Variants in SLC16A12 observed in about 807,000 individuals in gnomAD.
The protein encoded by SLC16A12 is monocarboxylate transporter 12.
In SLC16A12, 17 loss-of-function variants were observed where a neutral mutation model predicts 42.4. The ratio of observed to expected loss-of-function variants is 0.40; its 90% CI spans 0.27 to 0.60. SLC16A12 has a LOEUF of 0.60. Ranked by LOEUF, SLC16A12 falls within the 20% of genes least tolerant of loss-of-function variation. The pLI, the probability that SLC16A12 is intolerant of heterozygous loss-of-function variation, is 0.42. For missense variants in SLC16A12, 544 were observed against 623.0 expected, an observed-to-expected ratio of 0.87 and a Z score of 1.35; for synonymous variants, 224 against 229.4, an observed-to-expected ratio of 0.98 and a Z score of 0.21.
chr10:89,545,332 C>G (rs1179466653), intron 2 of SLC16A12, among the ~76,000 whole-genome samples: 2 of 152,164 alleles, frequency 1.3e-5, no homozygotes, highest in East Asian at 1.9e-4. Flanking sequence ...TAAATTCACA[C>G]AACAAACTCC....
At chr10:89,500,577 C>T (rs1842979651) in intron 2 of SLC16A12, among the ~76,000 whole-genome samples, 1 of 152,018 alleles carries the variant, frequency 6.6e-6, no homozygotes, top group South Asian at 2.1e-4. Context: ...GAAAAAAAAG[C>T]ATTCGACAAA....
chr10:89,482,250 AAAG>A (rs1241967017), intron 2 of SLC16A12, among the ~76,000 whole-genome samples: 2 of 151,042 alleles, frequency 1.3e-5, no homozygotes, highest in Admixed American at 6.6e-5. Flanking sequence ...AAAAAAAAAA[AAAG>A]AAGAAGAAAA....
intron 2 of SLC16A12, among the ~76,000 whole-genome samples, chr10:89,487,941 GATAAAGAAAATGTGGTGTGTGTGTATATA>G (rs1385599657): frequency 7.3e-6 from 1 of 136,170 alleles, no homozygotes; most frequent in Non-Finnish European, 1.5e-5. Flanking sequence ...CAGATGATTG[GATAAAGAAAATGTGGTGTGTGTGTATATA>G]TATATATATA....
intron 2 of SLC16A12, among the ~76,000 whole-genome samples, chr10:89,511,950 C>T (rs1843168108): frequency 6.6e-6 from 1 of 152,110 alleles, no homozygotes; most frequent in African/African-American, 2.4e-5. Flanking sequence ...CAAAATGTGG[C>T]ACATAATGGA....
At chr10:89,442,175 G>A (rs1047911794) in intron 4 of SLC16A12, among the ~76,000 whole-genome samples, 2 of 152,098 alleles carry the variant, frequency 1.3e-5, no homozygotes, top group African/African-American at 2.4e-5. Context: ...TGAAATTGGG[G>A]GTCAACTGTT....
intron 7 of SLC16A12, among the ~76,000 whole-genome samples, chr10:89,435,338 A>T (rs1433041788): frequency 6.6e-6 from 1 of 152,194 alleles, no homozygotes; most frequent in Non-Finnish European, 1.5e-5. Flanking sequence ...TTATTTTCTA[A>T]GTCATCCTTG....
chr10:89,536,159 G>A (rs1047405856), upstream of SLC16A12, among the ~76,000 whole-genome samples: 13 of 152,212 alleles, frequency 8.5e-5, no homozygotes, highest in Admixed American at 8.5e-4. Flanking sequence ...GGCAAGCCGA[G>A]GGGAGCTCGG....
intron 2 of SLC16A12, among the ~76,000 whole-genome samples, chr10:89,486,354 A>G (rs774255693): frequency 3.9e-5 from 6 of 152,144 alleles, no homozygotes; most frequent in Non-Finnish European, 7.4e-5. Flanking sequence ...ATTCATAAAA[A>G]TATCATTAAA....
intron 2 of SLC16A12, among the ~76,000 whole-genome samples, chr10:89,554,095 AGAAAGAAGGAAGGAAG>A: frequency 3.9e-5 from 1 of 25,590 alleles, no homozygotes; most frequent in Non-Finnish European, 7.3e-5. Context: ...AAAGAAAGAA[AGAAAGAAGGAAGGAAG>A]GAAGGAAGGA....
At chr10:89,436,406 T>G (rs1841787570) in intron 6 of SLC16A12, 87 bp from the exon 7 acceptor site, 1 of 1,502,856 alleles carries the variant, frequency 6.7e-7, no homozygotes, top group Non-Finnish European at 9.2e-7. Context: ...CAGTAAGCAT[T>G]GCAGTTATTT....
At chr10:89,470,270 G>A (rs772606373) in intron 2 of SLC16A12, among the ~76,000 whole-genome samples, 1 of 152,198 alleles carries the variant, frequency 6.6e-6, no homozygotes, top group South Asian at 2.1e-4. Context: ...GAAGGGTGAT[G>A]AGCTGCCCAT....
At chr10:89,499,444 C>T (rs1462892183) in intron 2 of SLC16A12, among the ~76,000 whole-genome samples, 2 of 152,094 alleles carry the variant, frequency 1.3e-5, no homozygotes, top group Admixed American at 6.6e-5. Flanking sequence ...ATCCCAGCTA[C>T]TCGGGAGGCT....
At chr10:89,467,277 G>A (rs1018153865) in intron 2 of SLC16A12, among the ~76,000 whole-genome samples, 9 of 152,336 alleles carry the variant, frequency 5.9e-5, no homozygotes, top group East Asian at 1.9e-4. Context: ...AGCCAGAGCT[G>A]TGCAACAGCC....
chr10:89,525,220 C>CAAAAAAAAAAAAAA (rs869295721), intron 2 of SLC16A12, among the ~76,000 whole-genome samples: 2 of 64,664 alleles, frequency 3.1e-5, no homozygotes, highest in African/African-American at 5.4e-5. Flanking sequence ...GACACCATAT[C>CAAAAAAAAAAAAAA]AAAAAAAAAA....
intron 2 of SLC16A12, among the ~76,000 whole-genome samples, chr10:89,552,535 G>A (rs1489734279): frequency 1.3e-5 from 2 of 152,174 alleles, no homozygotes; most frequent in Admixed American, 1.3e-4. Flanking sequence ...CGTGTGAGAG[G>A]GGGAAACGTA....
chr10:89,513,167 C>T (rs1189473109), intron 2 of SLC16A12, among the ~76,000 whole-genome samples: 1 of 151,906 alleles, frequency 6.6e-6, no homozygotes, highest in East Asian at 1.9e-4. Context: ...GTACACTTAA[C>T]CATAATTTAA....
chr10:89,553,102 G>A (rs1451247600), intron 2 of SLC16A12, among the ~76,000 whole-genome samples: 3 of 152,138 alleles, frequency 2.0e-5, no homozygotes, highest in African/African-American at 7.2e-5. Context: ...ACACCCGCAT[G>A]CCTATTATGT....
At chr10:89,498,641 T>C (rs1051496714) in intron 2 of SLC16A12, among the ~76,000 whole-genome samples, 1 of 152,176 alleles carries the variant, frequency 6.6e-6, no homozygotes, top group Admixed American at 6.5e-5. Context: ...AGACTCGCAT[T>C]ATGAATTTTT....
At chr10:89,467,077 TA>T (rs950639825) in intron 2 of SLC16A12, among the ~76,000 whole-genome samples, 1 of 152,154 alleles carries the variant, frequency 6.6e-6, no homozygotes, top group East Asian at 1.9e-4. Context: ...GTTGTACCAG[TA>T]AAAAAAGGCA....
Sources: allele counts gnomAD v4.1 joint callset (sites outside exome capture counted in the v4.1 genomes callset), GRCh38; gene constraint gnomAD v4.1.1; transcripts MANE v1.5; gene names NCBI Gene and HGNC (gene_info 2026-07-23, HGNC 2026-07-21).